The following SARNP variants were observed in gnomAD, a reference collection of about 807,000 sequenced individuals.
The protein encoded by SARNP is SAP domain-containing ribonucleoprotein.
In SARNP, 5 loss-of-function variants were observed where a neutral mutation model predicts 38.1. The ratio of observed to expected loss-of-function variants is 0.13; its 90% CI spans 0.07 to 0.28. SARNP has a LOEUF of 0.28. Ranked by LOEUF, SARNP falls within the 10% of genes least tolerant of loss-of-function variation. The pLI is 1.00. For synonymous variants in SARNP, 84 were observed against 80.6 expected (o/e 1.04, Z -0.23); for missense variants, 180 against 243.9 (o/e 0.74, Z 1.75).
intron 9 of SARNP, among the ~76,000 whole-genome samples, chr12:55,774,225 T>C (rs1190324417): frequency 2.0e-5 from 3 of 151,128 alleles, no homozygotes; most frequent in Non-Finnish European, 4.4e-5. Context: ...CTGGTCTCAA[T>C]TCCTGGGCTC....
At chr12:55,804,793 T>A (rs982143885) in intron 1 of SARNP, among the ~76,000 whole-genome samples, 13 of 152,066 alleles carry the variant, frequency 8.5e-5, no homozygotes, top group Non-Finnish European at 1.5e-5. Context: ...CACAGATAGA[T>A]CTTTGGTCTG....
chr12:55,782,412 T>C (rs7975037), intron 9 of SARNP, among the ~76,000 whole-genome samples: 2,946 of 152,284 alleles, frequency 0.019, 92 homozygotes, highest in African/African-American at 0.063. Flanking sequence ...GTTTCTCCTT[T>C]CCGAGGGTGC....
At chr12:55,800,788 T>C (rs1169299531) in intron 3 of SARNP, 66 bp downstream of exon 3, 4 of 1,409,718 alleles carry the variant, frequency 2.8e-6, no homozygotes. Context: ...CAATGACTGA[T>C]GTTAAAGCAA....
chr12:55,759,444 C>G (rs1017671456), intron 10 of SARNP, among the ~76,000 whole-genome samples: 1 of 148,702 alleles, frequency 6.7e-6, no homozygotes, highest in Non-Finnish European at 1.5e-5. Flanking sequence ...GAGAGCAAGT[C>G]TCACTCTGTA....
rs577213726 is a variant in SARNP, at chr12:55,807,601, G to A, written c.37-3873C>T. Reference sequence around the variant, plus strand: ...GCGGATCATGAGGTCAGGAGATAGAGACCATCCTGGCTAGCACGGTGAAAC... The same window carrying A: ...GCGGATCATGAGGTCAGGAGATAGAAACCATCCTGGCTAGCACGGTGAAAC... On this transcript the variant is annotated intron_variant, in intron 1 of 10. Coordinates refer to ENST00000336133, the MANE Select transcript of SARNP (RefSeq NM_033082.4). Among the ~76,000 whole-genome samples the A allele has an allele frequency of 7.5e-5, 11 of 146,916 alleles. 1 individual carries two copies. The highest frequency in any genetic ancestry group is 6.4e-4 in the South Asian group (3 of 4,668).
chr12:55,771,350 A>C (rs1357659139), intron 9 of SARNP, among the ~76,000 whole-genome samples: 6 of 152,192 alleles, frequency 3.9e-5, no homozygotes, highest in Non-Finnish European at 8.8e-5. Flanking sequence ...CATCATTAGG[A>C]ATTTGAACTC....
chr12:55,798,422 C>A (rs946804618), intron 4 of SARNP, among the ~76,000 whole-genome samples: 5 of 152,156 alleles, frequency 3.3e-5, no homozygotes, highest in African/African-American at 1.2e-4. Flanking sequence ...CTGCTTGAGC[C>A]GGGAAACGGA....
At chr12:55,762,972 G>A (rs139938314) in intron 9 of SARNP, among the ~76,000 whole-genome samples, 9 of 152,282 alleles carry the variant, frequency 5.9e-5, no homozygotes, top group African/African-American at 2.2e-4. Flanking sequence ...TTTCTAGTGA[G>A]TAGGAAGAGA....
At chr12:55,808,142 T>A (rs1880211823) in intron 1 of SARNP, among the ~76,000 whole-genome samples, 1 of 152,178 alleles carries the variant, frequency 6.6e-6, no homozygotes, top group Admixed American at 6.5e-5. Context: ...TGAGTTCTTC[T>A]CATATACTAG....
At chr12:55,787,080 A>C (rs1389335822) in intron 9 of SARNP, among the ~76,000 whole-genome samples, 1 of 151,766 alleles carries the variant, frequency 6.6e-6, no homozygotes, top group Non-Finnish European at 1.5e-5. Flanking sequence ...AAAAATTCAA[A>C]AACTGGCCAG....
At chr12:55,792,381 G>GT (rs1057059364) in intron 7 of SARNP, among the ~76,000 whole-genome samples, 5 of 151,760 alleles carry the variant, frequency 3.3e-5, no homozygotes, top group African/African-American at 4.8e-5. Flanking sequence ...TGTTCTTTTT[G>GT]TTTTTTTGAG....
rs757595205 is a variant in SARNP at position 55,789,180 on chromosome 12, A to T, written c.433-37T>A. On this transcript the variant is annotated intron_variant, in intron 8 of 10. Transcript: ENST00000336133. Reference sequence around the variant, plus strand: ...TAGGGGAAAGAACATAGTTTTAAAAAATCAAAACGGAAAACAAAAAATGCA... The same window carrying T: ...TAGGGGAAAGAACATAGTTTTAAAATATCAAAACGGAAAACAAAAAATGCA... The T allele has an allele frequency of 3.4e-6, 5 of 1,453,052 alleles. No homozygotes were observed. In the Admixed American group the frequency reaches 1.1e-4, roughly 32 times the overall value. The allele number at this position is 1,453,052 out of a possible 1,614,324, so 90.0% of individuals were successfully genotyped here.
At chr12:55,803,169 CTTGTACAACCTAAGATGTAG>C (rs1880034859) in intron 2 of SARNP, among the ~76,000 whole-genome samples, 1 of 152,040 alleles carries the variant, frequency 6.6e-6, no homozygotes, top group Non-Finnish European at 1.5e-5. Flanking sequence ...AGATAGAGGA[CTTGTACAACCTAAGATGTAG>C]GTTGTACAAG....
chr12:55,804,007 A>G (rs1449374334), intron 1 of SARNP, among the ~76,000 whole-genome samples: 2 of 152,288 alleles, frequency 1.3e-5, no homozygotes, highest in African/African-American at 2.4e-5. Flanking sequence ...ACAAATCTCT[A>G]GTTATTTCTA....
chr12:55,789,788 A>T (rs1311355574), intron 8 of SARNP, among the ~76,000 whole-genome samples: 1 of 152,058 alleles, frequency 6.6e-6, no homozygotes, highest in Admixed American at 6.6e-5. Flanking sequence ...TACTAAAAAT[A>T]CAAAAATTAG....
downstream of SARNP, chr12:55,756,012 C>G (rs934617495): frequency 1.3e-5 from 2 of 152,152 alleles, no homozygotes; most frequent in African/African-American, 4.8e-5. Context: ...ATGTATTTTT[C>G]TCTTTTTAAA....
rs1879209899 is a variant in SARNP, at chr12:55,777,336, T to C, written c.501+11739A>G. ...TGAATGTTGACATAGCATCAAAAAT[T>C]TCACCTTGTTTCTCTAAATTTTAAA... On this transcript the variant is annotated intron_variant, in intron 9 of 10. Coordinates refer to ENST00000336133, the MANE Select transcript of SARNP (RefSeq NM_033082.4). 2.0e-5 allele frequency among the ~76,000 whole-genome samples: 3 copies of C among 152,126 alleles called. No homozygotes were observed. In the South Asian group the frequency reaches 6.2e-4, roughly 32 times the overall value.
chr12:55,776,423 AAAAAC>A (rs1191766551), intron 9 of SARNP, among the ~76,000 whole-genome samples: 2 of 152,222 alleles, frequency 1.3e-5, no homozygotes, highest in Non-Finnish European at 2.9e-5. Context: ...CCACATCTTT[AAAAAC>A]AAAACAAAAC....
chr12:55,782,299 T>TA (rs1308514655), intron 9 of SARNP, among the ~76,000 whole-genome samples: 1 of 151,826 alleles, frequency 6.6e-6, no homozygotes, highest in Non-Finnish European at 1.5e-5. Context: ...AGGAGAAGAG[T>TA]ATCAACCACA....
Sources: gnomAD v4.1 joint callset for allele counts (sites outside exome capture counted in the v4.1 genomes callset) on GRCh38, gnomAD v4.1.1 for gene constraint, MANE v1.5 for transcripts, NCBI Gene and HGNC (gene_info 2026-07-23, HGNC 2026-07-21) for gene names.